Variants in DNAH14 observed in about 807,000 individuals in gnomAD.
The protein encoded by DNAH14 is axonemal beta dynein heavy chain 14.
DNAH14 carries 478 observed loss-of-function variants against 520.9 expected under a neutral mutation model. That is an observed-to-expected ratio of 0.92 (90% confidence interval 0.85 to 0.99). The LOEUF (loss-of-function observed/expected upper bound fraction) is 0.99, where lower values mean the gene tolerates loss of function less well. Ranked by LOEUF, DNAH14 falls within the 50% of genes least tolerant of loss-of-function variation. The pLI is 0.00. For missense variants in DNAH14, 4,831 were observed against 5,234.5 expected (o/e 0.92, Z 2.38); for synonymous variants, 1,581 against 1,757.2 (o/e 0.90, Z 2.51).
At chr1:225,387,385 TAATA>T (rs112419260) in intron 81 of DNAH14, among the ~76,000 whole-genome samples, 40 of 151,812 alleles carry the variant, frequency 2.6e-4, no homozygotes, top group African/African-American at 7.2e-5. Context: ...TAAAGTATAA[TAATA>T]AATAAATAAA....
chr1:225,183,276 C>T (rs1422960948), intron 36 of DNAH14, among the ~76,000 whole-genome samples: 1 of 152,236 alleles, frequency 6.6e-6, no homozygotes, highest in Non-Finnish European at 1.5e-5. Flanking sequence ...TACTGGCTAA[C>T]TAAAGTGGCC....
intron 8 of DNAH14, among the ~76,000 whole-genome samples, chr1:224,983,070 A>C (rs1226508156): frequency 6.6e-6 from 1 of 152,044 alleles, no homozygotes; most frequent in Non-Finnish European, 1.5e-5. Flanking sequence ...CCCCACTATT[A>C]TTGTGTTGCT....
chr1:225,080,864 G>A, intron 19 of DNAH14, 116 bp downstream of exon 19: 2 of 1,110,804 alleles, frequency 1.8e-6, no homozygotes, highest in South Asian at 3.7e-5. Flanking sequence ...GACCATTATG[G>A]CTAGAGCTAC....
chr1:224,955,397 T>G (rs1020472988), intron 3 of DNAH14, among the ~76,000 whole-genome samples: 1 of 152,200 alleles, frequency 6.6e-6, no homozygotes, highest in African/African-American at 2.4e-5. Context: ...TCATTTTTTT[T>G]GAGGTACAGA....
rs1461421744 is a variant in DNAH14, at chr1:225,043,780, T to A, written c.1805T>A (p.Met602Lys). 1 of 1,466,296 alleles carries A rather than the reference T, an allele frequency of 6.8e-7. No individual in the cohort carries two copies. The highest frequency in any genetic ancestry group is 1.2e-5 in the South Asian group (1 of 81,362). The allele number at this position is 1,466,296 out of a possible 1,614,324, so 90.8% of individuals were successfully genotyped here. Residue 602 changes from methionine (M) to lysine (K), a missense_variant, in exon 14 of 86, where the codon ATG becomes AAG. By Grantham distance (95) the Met-to-Lys change is moderately conservative. Coordinates refer to ENST00000682510, the MANE Select transcript of DNAH14 (RefSeq NM_001367479.1). Reference protein sequence around the residue: ...EIETEFENKYMYYEFPEFPTN... With the variant: ...EIETEFENKYKYYEFPEFPTN... ...GAGACTGAGTTTGAGAATAAATACA[T>A]GTATTATGAGTAAGTATTAGACATT...
chr1:225,046,558 C>T (rs990716456), intron 15 of DNAH14, among the ~76,000 whole-genome samples: 11 of 152,092 alleles, frequency 7.2e-5, no homozygotes, highest in Admixed American at 5.9e-4. Context: ...ATTGAATAAT[C>T]CATTCCTTAT....
At chr1:224,975,816 G>A (rs991044468) in intron 8 of DNAH14, among the ~76,000 whole-genome samples, 3 of 151,574 alleles carry the variant, frequency 2.0e-5, no homozygotes, top group African/African-American at 7.3e-5. Context: ...TAATTGTGAT[G>A]TTAGGGTGTC....
intron 12 of DNAH14, among the ~76,000 whole-genome samples, chr1:225,040,979 G>A (rs1487649661): frequency 6.6e-6 from 1 of 152,050 alleles, no homozygotes; most frequent in Non-Finnish European, 1.5e-5. Context: ...CATGTAACTT[G>A]CATTAGGGTT....
intron 27 of DNAH14, among the ~76,000 whole-genome samples, chr1:225,128,853 A>G (rs1232062501): frequency 6.0e-5 from 9 of 150,080 alleles, no homozygotes; most frequent in South Asian, 2.1e-4. Context: ...AGAGTATTCA[A>G]TTAGGAAAAG....
intron 1 of DNAH14, among the ~76,000 whole-genome samples, chr1:224,938,308 T>A (rs2059172960): frequency 6.6e-6 from 1 of 151,814 alleles, no homozygotes; most frequent in African/African-American, 2.4e-5. Flanking sequence ...GACAAGGGAT[T>A]AATAACCAGA....
At chr1:225,330,643 G>A (rs2150275237) in intron 64 of DNAH14, among the ~76,000 whole-genome samples, 1 of 152,288 alleles carries the variant, frequency 6.6e-6, no homozygotes, top group Non-Finnish European at 1.5e-5. Context: ...CAGAAAGATG[G>A]TTACCAGAGG....
In DNAH14 at chr1:225,100,865, A is replaced by T. The variant is rs1359484370; in HGVS notation, c.3848A>T (p.His1283Leu). Residue 1283 changes from histidine (H) to leucine (L), a missense_variant, in exon 23 of 86, where the codon CAT (histidine) becomes CTT (leucine). Transcript: ENST00000682510. ...ILQNCNIHLE[H>L]IKKSLEDYLE... ...CAAAATTGTAATATACATCTTGAAC[A>T]TATAAAGAAAAGCCTTGAGGTAAAA... The T allele has an allele frequency of 2.0e-6, 3 of 1,506,070 alleles. No homozygotes were observed. Among genetic ancestry groups the T allele is most frequent in the Non-Finnish European group, 2.6e-6 (3 of 1,134,170 alleles). 93.3% of individuals were successfully genotyped at this position (1,506,070 alleles called of 1,614,324 possible). A position where few individuals can be genotyped will look rare whatever the true frequency, so the allele number is the denominator to read the frequency against.
chr1:225,361,178 TAC>T (rs1558519795), intron 75 of DNAH14, among the ~76,000 whole-genome samples: 1 of 152,226 alleles, frequency 6.6e-6, no homozygotes, highest in East Asian at 1.9e-4. Flanking sequence ...TATATAAGCA[TAC>T]ACACACATTA....
rs2071471341 is a variant in DNAH14 at position 225,070,872 on chromosome 1, G to A, written c.2425-8335G>A. 2.0e-5 allele frequency among the ~76,000 whole-genome samples: 3 copies of A among 152,004 alleles called. No individual in the cohort carries two copies. In the South Asian group the frequency reaches 6.2e-4, roughly 32 times the overall value. The stretch of plus-strand genomic sequence containing the variant: ...TATAAATCTAGGTGCTCCAGTCTTG[G>A]GTGCACATATATTTAGGATAGTTAG... On this transcript the variant is annotated intron_variant, in intron 17 of 85. Transcript: ENST00000682510.
At chr1:225,211,718 A>C (rs1422712305) in intron 41 of DNAH14, among the ~76,000 whole-genome samples, 1 of 152,022 alleles carries the variant, frequency 6.6e-6, no homozygotes, top group Middle Eastern at 3.2e-3. Context: ...GTTGAAATGA[A>C]AAAAAATCTT....
At chr1:225,089,002 A>G (rs1168386340) in intron 21 of DNAH14, among the ~76,000 whole-genome samples, 1 of 152,186 alleles carries the variant, frequency 6.6e-6, no homozygotes, top group Non-Finnish European at 1.5e-5. Context: ...GGCTTGTGCT[A>G]TTTCTTTTTA....
intron 17 of DNAH14, among the ~76,000 whole-genome samples, chr1:225,062,934 C>G (rs548407984): frequency 6.0e-4 from 92 of 152,100 alleles, no homozygotes; most frequent in African/African-American, 2.2e-3. Context: ...ACTGACAATG[C>G]TTGGTTGTCA....
At chr1:225,286,601 A>G (rs970683205) in intron 54 of DNAH14, among the ~76,000 whole-genome samples, 4 of 152,218 alleles carry the variant, frequency 2.6e-5, no homozygotes, top group Admixed American at 6.5e-5. Context: ...ATACAGAGCA[A>G]TAGGAACTCT....
chr1:225,388,439 C>A lies in DNAH14; in HGVS notation c.13138C>A (p.Leu4380Met), dbSNP rs770107772. The change falls in exon 82 of 86, where the codon CTG becomes ATG. Residue 4380 changes from leucine to methionine, a missense_variant. Leu to Met is a conservative substitution (Grantham distance 15). Transcript: ENST00000682510. Reference sequence around the variant, plus strand: ...CTGGATTGATGATCTCATCCAGCGACTGAATTTCTTCAATACTTGGGCCAA... The same window carrying A: ...CTGGATTGATGATCTCATCCAGCGAATGAATTTCTTCAATACTTGGGCCAA... ...SSWIDDLIQR[L>M]NFFNTWAKVA... The A allele has an allele frequency of 1.0e-4, 157 of 1,534,982 alleles. 2 individuals carry two copies. The highest frequency in any genetic ancestry group is 1.3e-4 in the Non-Finnish European group (153 of 1,133,532).
Sources: allele counts gnomAD v4.1 joint callset (sites outside exome capture counted in the v4.1 genomes callset), GRCh38; gene constraint gnomAD v4.1.1; transcripts MANE v1.5; gene names NCBI Gene and HGNC (gene_info 2026-07-23, HGNC 2026-07-21).